The following RASAL2 variants were observed in gnomAD, a reference collection of about 807,000 sequenced individuals.
RASAL2 encodes the protein ras GTPase-activating protein nGAP.
RASAL2 carries 58 observed loss-of-function variants against 128.9 expected under a neutral mutation model. The observed-to-expected ratio is 0.45, with a 90% CI of 0.36 to 0.56. The LOEUF (loss-of-function observed/expected upper bound fraction) is 0.56, where lower values mean the gene tolerates loss of function less well. Ranked by LOEUF, RASAL2 falls within the 20% of genes least tolerant of loss-of-function variation. The pLI is 0.00. For synonymous variants in RASAL2, 561 were observed against 580.8 expected (o/e 0.97, Z 0.49); for missense variants, 1,360 against 1,601.6 (o/e 0.85, Z 2.57).
chr1:178,116,926 G>C (rs1659540542), intron 1 of RASAL2, among the ~76,000 whole-genome samples: 2 of 152,142 alleles, frequency 1.3e-5, no homozygotes, highest in Admixed American at 6.6e-5. Context: ...TGTAATTTTT[G>C]ATTTATCAGT....
intron 1 of RASAL2, among the ~76,000 whole-genome samples, chr1:178,222,157 C>A (rs957184289): frequency 6.6e-6 from 1 of 151,974 alleles, no homozygotes; most frequent in Non-Finnish European, 1.5e-5. Flanking sequence ...TTGTAGATAA[C>A]GTATAGTTAG....
chr1:178,105,582 G>A (rs2102231720), intron 1 of RASAL2, among the ~76,000 whole-genome samples: 1 of 151,980 alleles, frequency 6.6e-6, no homozygotes. Context: ...AAATAATGAA[G>A]ACATATGAAG....
At chr1:178,427,608 A>G (rs1353943112) in intron 5 of RASAL2, among the ~76,000 whole-genome samples, 1 of 152,142 alleles carries the variant, frequency 6.6e-6, no homozygotes, top group Non-Finnish European at 1.5e-5. Flanking sequence ...TTGAAATTAT[A>G]TAAAGAAAGT....
intron 1 of RASAL2, among the ~76,000 whole-genome samples, chr1:178,161,363 T>C (rs1661288361): frequency 6.6e-6 from 1 of 152,170 alleles, no homozygotes; most frequent in Non-Finnish European, 1.5e-5. Context: ...TTCACATAAA[T>C]AGAATATACA....
At chr1:178,166,652 A>G (rs1424898013) in intron 1 of RASAL2, among the ~76,000 whole-genome samples, 2 of 152,290 alleles carry the variant, frequency 1.3e-5, no homozygotes, top group Admixed American at 6.5e-5. Context: ...AGCTGTGTGA[A>G]TACAACTTGT....
intron 5 of RASAL2, among the ~76,000 whole-genome samples, chr1:178,434,675 A>C (rs1383283604): frequency 6.6e-6 from 1 of 152,098 alleles, no homozygotes; most frequent in Admixed American, 6.5e-5. Flanking sequence ...AAACCAGCTC[A>C]GCTGGTGCTG....
intron 1 of RASAL2, among the ~76,000 whole-genome samples, chr1:178,227,261 C>A (rs917467310): frequency 2.6e-5 from 4 of 151,864 alleles, no homozygotes; most frequent in African/African-American, 4.8e-5. Context: ...AATGGTGCTA[C>A]AGTTTAGCGT....
rs1214344325 is a variant in RASAL2 at position 178,094,497 on chromosome 1, A to C, written c.5A>C (p.Glu2Ala). 6.4e-7 allele frequency: 1 copy of C among 1,553,702 alleles called. No individual in the cohort carries two copies. Among genetic ancestry groups the C allele is most frequent in the African/African-American group, 1.4e-5 (1 of 73,176 alleles). Residue 2 changes from glutamate (E) to alanine (A), a missense_variant, in exon 1 of 18, where the codon GAG becomes GCG. Glu to Ala is a moderately radical substitution (Grantham distance 107, BLOSUM62 -1). Transcript: ENST00000367649. MELSPSSGGAAE... is the reference protein window; with the variant it reads MALSPSSGGAAE... ...CCCCTCCCGCCTCGGGGCACCATGGAGCTCTCTCCGTCGTCCGGAGGAGCC... is the reference window on the plus strand; with the variant it reads ...CCCCTCCCGCCTCGGGGCACCATGGCGCTCTCTCCGTCGTCCGGAGGAGCC...
chr1:178,300,437 G>A (rs1284195989), intron 3 of RASAL2, among the ~76,000 whole-genome samples: 1 of 152,194 alleles, frequency 6.6e-6, no homozygotes, highest in African/African-American at 2.4e-5. Flanking sequence ...TCTTGTTGAA[G>A]CACTGAGGTT....
intron 3 of RASAL2, among the ~76,000 whole-genome samples, chr1:178,358,561 G>GA (rs1670944259): frequency 6.6e-6 from 1 of 152,102 alleles, no homozygotes; most frequent in South Asian, 2.1e-4. Flanking sequence ...ATAGACTTAT[G>GA]AAAAATGTTC....
At chr1:178,470,542 C>T in intron 17 of RASAL2, 1 of 469,410 alleles carries the variant, frequency 2.1e-6, no homozygotes, top group Non-Finnish European at 3.9e-6. Flanking sequence ...AATGTGCCAC[C>T]TTTCACCCCT....
rs1658579716 is a variant in RASAL2 at position 178,094,314 on chromosome 1, G to T, written c.-179G>T. On this transcript the variant is annotated 5_prime_UTR_variant, in exon 1 of 18. Transcript: ENST00000367649. Reference sequence around the variant, plus strand: ...CCGCCGACTGCAGGTGGGCTGCATCGCCCGAGCCTCGGGCAGTGGGCGACG... The same window carrying T: ...CCGCCGACTGCAGGTGGGCTGCATCTCCCGAGCCTCGGGCAGTGGGCGACG... The T allele has an allele frequency of 1.7e-6, 1 of 595,164 alleles. No homozygotes were observed. Among genetic ancestry groups the T allele is most frequent in the Non-Finnish European group, 2.8e-6 (1 of 357,124 alleles). 36.9% of individuals were successfully genotyped at this position (595,164 alleles called of 1,614,324 possible). A position where few individuals can be genotyped will look rare whatever the true frequency, so the allele number is the denominator to read the frequency against.
intron 4 of RASAL2, among the ~76,000 whole-genome samples, chr1:178,396,910 G>A (rs1673272875): frequency 6.7e-6 from 1 of 148,732 alleles, no homozygotes; most frequent in Non-Finnish European, 1.5e-5. Context: ...CACATGAAAA[G>A]ATGCTCAATA....
intron 1 of RASAL2, among the ~76,000 whole-genome samples, chr1:178,202,481 T>C (rs926006517): frequency 6.6e-6 from 1 of 152,164 alleles, no homozygotes; most frequent in African/African-American, 2.4e-5. Context: ...CCCTGGAGGA[T>C]AGCGGTGAAG....
At chr1:178,218,575 T>C (rs1022509253) in intron 1 of RASAL2, among the ~76,000 whole-genome samples, 1 of 152,180 alleles carries the variant, frequency 6.6e-6, no homozygotes, top group African/African-American at 2.4e-5. Context: ...TAATCCCAGC[T>C]ACTCGAGAGG....
At chr1:178,211,789 G>T (rs1388943928) in intron 1 of RASAL2, among the ~76,000 whole-genome samples, 1 of 151,524 alleles carries the variant, frequency 6.6e-6, no homozygotes, top group Non-Finnish European at 1.5e-5. Context: ...TTTCCATTTT[G>T]TCCCCATTGA....
intron 1 of RASAL2, among the ~76,000 whole-genome samples, chr1:178,134,655 G>A (rs1660254222): frequency 3.3e-5 from 5 of 152,156 alleles, no homozygotes; most frequent in Admixed American, 3.3e-4. Context: ...CTCAGTGGGT[G>A]CCAAAACTGT....
intron 3 of RASAL2, among the ~76,000 whole-genome samples, chr1:178,314,208 T>C (rs1174095405): frequency 6.6e-6 from 1 of 152,200 alleles, no homozygotes; most frequent in African/African-American, 2.4e-5. Context: ...CGTGAGAAGA[T>C]CCAAAAGTGG....
At position 178,457,679 on chromosome 1, in the gene RASAL2, A is replaced by G. The variant is rs769158263; in HGVS notation, c.2391-4A>G. 164 of 1,609,788 alleles carry G rather than the reference A, an allele frequency of 1.0e-4. No homozygotes were observed. Among genetic ancestry groups the G allele is most frequent in the Non-Finnish European group, 1.2e-4 (147 of 1,177,450 alleles). The stretch of plus-strand genomic sequence containing the variant: ...GAAATTAAGTGTCCTTTCCTTTTCC[A>G]CAGTGATTTGCATAAACTAAAATCT... On this transcript the variant is annotated splice_polypyrimidine_tract_variant and splice_region_variant and intron_variant, in intron 13 of 17. Transcript: ENST00000367649.
Sources: allele counts gnomAD v4.1 joint callset (sites outside exome capture counted in the v4.1 genomes callset), GRCh38; gene constraint gnomAD v4.1.1; transcripts MANE v1.5; gene names NCBI Gene and HGNC (gene_info 2026-07-23, HGNC 2026-07-21).